CASZ1: variants seen among roughly 807,000 people sequenced by gnomAD.
The protein encoded by CASZ1 is zinc finger protein castor homolog 1.
In CASZ1, 28 loss-of-function variants were observed where a neutral mutation model predicts 135.2. The observed-to-expected ratio is 0.21, with a 90% confidence interval of 0.15 to 0.28. The LOEUF (loss-of-function observed/expected upper bound fraction) is 0.28. CASZ1 is among the 10% of genes least tolerant of loss of function. The pLI is 1.00. For synonymous variants in CASZ1, 1,068 were observed against 1,073.4 expected, an observed-to-expected ratio of 0.99 and a Z score of 0.10; for missense variants, 2,161 against 2,453.3, an observed-to-expected ratio of 0.88 and a Z score of 2.52.
intron 12 of CASZ1, 49 bp from the exon 13 acceptor site, chr1:10,650,804 G>T (rs1436204034): frequency 1.1e-5 from 17 of 1,604,664 alleles, no homozygotes; most frequent in Middle Eastern, 1.7e-4. Context: ...CGGGGCCTGG[G>T]CCCTGGGGCT....
chr1:10,640,019 CT>C lies in CASZ1; in HGVS notation c.4202del (p.Lys1401SerfsTer29). 3 of 1,611,272 alleles carry C rather than the reference CT, an allele frequency of 1.9e-6. No homozygotes were observed. ...ISMPTASGAK[K>X]RFWIIEDMSP... ...ACATGTCCTCGATGATCCAGAAGCG[CT>C]TTTTGGCCCCCGAGGCTGTCGGCAT... On this transcript the variant is annotated frameshift_variant, in exon 21 of 21. Coordinates refer to ENST00000377022, the MANE Select transcript of CASZ1 (RefSeq NM_001079843.3). LOFTEE classifies it high-confidence loss of function.
chr1:10,793,509 T>A (rs981517731), intron 1 of CASZ1, among the ~76,000 whole-genome samples: 4 of 152,160 alleles, frequency 2.6e-5, no homozygotes, highest in Non-Finnish European at 5.9e-5. Flanking sequence ...CTTTAAACGT[T>A]TTAGTGCATA....
intron 2 of CASZ1, among the ~76,000 whole-genome samples, chr1:10,751,406 G>C (rs1400654984): frequency 6.6e-6 from 1 of 152,124 alleles, no homozygotes; most frequent in African/African-American, 2.4e-5. Context: ...CATCTTCAGG[G>C]GGATGATCTT....
chr1:10,684,907 G>T (rs933846695), intron 4 of CASZ1, among the ~76,000 whole-genome samples: 12 of 152,214 alleles, frequency 7.9e-5, no homozygotes, highest in African/African-American at 2.4e-4. Context: ...AGCACACATG[G>T]AATGTGTCCT....
At chr1:10,653,267 A>T in intron 11 of CASZ1, 110 bp downstream of exon 11, 1 of 1,124,702 alleles carries the variant, frequency 8.9e-7, no homozygotes, top group Non-Finnish European at 1.3e-6. Flanking sequence ...AGCAGGGGCC[A>T]CACGGACACT....
At chr1:10,712,509 C>T (rs1639304726) in intron 2 of CASZ1, among the ~76,000 whole-genome samples, 1 of 152,160 alleles carries the variant, frequency 6.6e-6, no homozygotes. Flanking sequence ...CCCCATGTGG[C>T]AGCTCAGGGC....
chr1:10,658,584 G>A lies in CASZ1; in HGVS notation c.1341-8C>T, dbSNP rs538851720. On this transcript the variant is annotated splice_region_variant and splice_polypyrimidine_tract_variant and intron_variant, in intron 6 of 20. Coordinates refer to ENST00000377022, the MANE Select transcript of CASZ1 (RefSeq NM_001079843.3). The stretch of plus-strand genomic sequence containing the variant: ...TCTGTGGGCAGTCCGTTCCTGGCAA[G>A]AGACACACAGGGCACAGCCGGTGAG... 2.5e-6 allele frequency: 4 copies of A among 1,613,590 alleles called. No individual in the cohort carries two copies. In the South Asian group the frequency reaches 4.4e-5, roughly 18 times the overall value.
In CASZ1 at chr1:10,637,465, T is replaced by C; in HGVS notation, c.*1477A>G. ...GAAAAGTAAACCACTGCCCCCCAGT[T>C]GAGCCAGGTTCCTCCTGGAGACCTC... On this transcript the variant is annotated 3_prime_UTR_variant, in exon 21 of 21. Transcript: ENST00000377022. 1 of 152,526 alleles carries C rather than the reference T, an allele frequency of 6.6e-6. No homozygotes were observed. The highest frequency in any genetic ancestry group is 2.4e-5 in the African/African-American group (1 of 41,558). The allele number at this position is 152,526 out of a possible 1,614,324, so 9.4% of individuals were successfully genotyped here. A position where few individuals can be genotyped will look rare whatever the true frequency, so the allele number is the denominator to read the frequency against.
At chr1:10,771,371 C>A (rs1640573280) in intron 1 of CASZ1, among the ~76,000 whole-genome samples, 1 of 152,184 alleles carries the variant, frequency 6.6e-6, no homozygotes, top group East Asian at 1.9e-4. Context: ...AGTTCTGTGT[C>A]ATTTCCAATC....
rs1027872334 is a variant in CASZ1 at position 10,757,946 on chromosome 1, G to A, written c.-77+2755C>T. Among the ~76,000 whole-genome samples, 1 of 152,070 alleles carries A rather than the reference G, an allele frequency of 6.6e-6. No individual in the cohort carries two copies. The highest frequency in any genetic ancestry group is 1.5e-5 in the Non-Finnish European group (1 of 68,022). On this transcript the variant is annotated intron_variant, in intron 2 of 20. Coordinates refer to ENST00000377022, the MANE Select transcript of CASZ1 (RefSeq NM_001079843.3). This position sits in a 1 kb window ranked among gnomAD's most constrained non-coding sequence, Gnocchi z 4.6. ...CCACCTCATCCACGTCCCCATCCAC[G>A]TCCTGGCCACTCTGCCTTTCTTTCC...
At chr1:10,687,008 A>G (rs1470661708) in intron 4 of CASZ1, among the ~76,000 whole-genome samples, 1 of 152,196 alleles carries the variant, frequency 6.6e-6, no homozygotes, top group African/African-American at 2.4e-5. Flanking sequence ...GCACTGGGCT[A>G]GAGGGCGGTG....
intron 4 of CASZ1, among the ~76,000 whole-genome samples, chr1:10,684,999 G>A (rs1638541378): frequency 2.0e-5 from 3 of 152,238 alleles, no homozygotes; most frequent in African/African-American, 7.2e-5. Flanking sequence ...CTCCTGGAAT[G>A]GAGCTGTCTT....
At chr1:10,689,563 G>A (rs1222161514) in intron 4 of CASZ1, among the ~76,000 whole-genome samples, 1 of 152,202 alleles carries the variant, frequency 6.6e-6, no homozygotes, top group Non-Finnish European at 1.5e-5. Flanking sequence ...TCTCTAGGGA[G>A]CCTTTCGGAC....
rs116497673 is a variant in CASZ1, at chr1:10,739,499, G to A, written c.-77+21202C>T. Reference sequence around the variant, plus strand: ...CTGCTCTGTAATTAAGCTCAGCTGCGCCCACTCAGGCTTCCAGACCTTTCC... The same window carrying A: ...CTGCTCTGTAATTAAGCTCAGCTGCACCCACTCAGGCTTCCAGACCTTTCC... On this transcript the variant is annotated intron_variant, in intron 2 of 20. Coordinates refer to ENST00000377022, the MANE Select transcript of CASZ1 (RefSeq NM_001079843.3). The surrounding 1 kb of genome is among the most constrained non-coding windows in gnomAD (Gnocchi z 4.8). Among the ~76,000 whole-genome samples, 1,294 of 152,162 alleles carry A rather than the reference G, an allele frequency of 8.5e-3. 25 individuals are homozygous for A. The highest frequency in any genetic ancestry group is 0.029 in the African/African-American group (1,190 of 41,506).
intron 2 of CASZ1, among the ~76,000 whole-genome samples, chr1:10,705,908 G>A (rs575401881): frequency 1.2e-4 from 18 of 152,378 alleles, no homozygotes; most frequent in African/African-American, 4.1e-4. Context: ...GCACGCTCCC[G>A]TGGAGCTGCA....
At chr1:10,659,527 G>C (rs1012326183) in intron 6 of CASZ1, among the ~76,000 whole-genome samples, 175 bp downstream of exon 6, 1 of 152,252 alleles carries the variant, frequency 6.6e-6, no homozygotes, top group Non-Finnish European at 1.5e-5. Context: ...GCACCTGTGT[G>C]TGTGGAAGCG....
At chr1:10,668,521 C>A (rs972287798) in intron 4 of CASZ1, among the ~76,000 whole-genome samples, 1 of 152,166 alleles carries the variant, frequency 6.6e-6, no homozygotes, top group Non-Finnish European at 1.5e-5. Flanking sequence ...TCCCCAGAGA[C>A]GGGAGAGGCG....
At chr1:10,733,944 A>T (rs1025593466) in intron 2 of CASZ1, among the ~76,000 whole-genome samples, 1 of 152,238 alleles carries the variant, frequency 6.6e-6, no homozygotes, top group Non-Finnish European at 1.5e-5. Context: ...CATACTAAGC[A>T]GTGAATAAAT....
In CASZ1 at chr1:10,647,580, C is replaced by T. The variant is rs1642402134; in HGVS notation, c.3497+221G>A. 7.0e-7 allele frequency: 1 copy of T among 1,420,134 alleles called. No homozygotes were observed. The highest frequency in any genetic ancestry group is 9.2e-7 in the Non-Finnish European group (1 of 1,089,820). 88.0% of individuals were successfully genotyped at this position (1,420,134 alleles called of 1,614,324 possible). A position where few individuals can be genotyped will look rare whatever the true frequency, so the allele number is the denominator to read the frequency against. On this transcript the variant is annotated intron_variant, in intron 16 of 20. Coordinates refer to ENST00000377022, the MANE Select transcript of CASZ1 (RefSeq NM_001079843.3). The surrounding 1 kb of genome is among the most constrained non-coding windows in gnomAD (Gnocchi z 4.9). Reference sequence around the variant, plus strand: ...CCTGCAGGAGCAGTAGCCACTGCCGCCACCATCGGCCCACGCGGGCTGGCC... The same window carrying T: ...CCTGCAGGAGCAGTAGCCACTGCCGTCACCATCGGCCCACGCGGGCTGGCC...
Sources: allele counts gnomAD v4.1 joint callset (sites outside exome capture counted in the v4.1 genomes callset), GRCh38; gene constraint gnomAD v4.1.1; non-coding constraint Gnocchi (gnomAD v3.1); transcripts MANE v1.5; gene names NCBI Gene and HGNC (gene_info 2026-07-23, HGNC 2026-07-21).